The following WDR90 variants were observed in gnomAD, a reference collection of about 807,000 sequenced individuals.
WDR90 encodes the protein WD repeat-containing protein 90.
In WDR90, 238 loss-of-function variants were observed where a neutral mutation model predicts 195.2. The ratio of observed to expected loss-of-function variants is 1.22; its 90% CI spans 1.10 to 1.36. The LOEUF (loss-of-function observed/expected upper bound fraction) is 1.36, where lower values mean the gene tolerates loss of function less well. Ranked by LOEUF, WDR90 falls within the 40% of genes most tolerant of loss-of-function variation. The pLI, the probability that WDR90 is intolerant of heterozygous loss-of-function variation, is 0.00. For synonymous variants in WDR90, 1,265 were observed against 1,052.4 expected, an observed-to-expected ratio of 1.20 and a Z score of -3.91; for missense variants, 2,734 against 2,439.5, an observed-to-expected ratio of 1.12 and a Z score of -2.54.
At position 655,340 on chromosome 16, in the gene WDR90, C is replaced by G; in HGVS notation, c.1590C>G (p.Leu530=). Residue 530 remains leucine, a synonymous_variant, in exon 15 of 41, where the codon CTC becomes CTG. Coordinates refer to ENST00000293879, the MANE Select transcript of WDR90 (RefSeq NM_145294.5). The stretch of plus-strand genomic sequence containing the variant: ...CGTGCGGGCAGGGCAGTGTGCGGCT[C>G]TGGCGGCTGCGTGGCGGGGTGCTGC... ...MASCGQGSVR[L]WRLRGGVLRS... 6.2e-7 allele frequency: 1 copy of G among 1,603,570 alleles called. No individual in the cohort carries two copies. Among genetic ancestry groups the G allele is most frequent in the Non-Finnish European group, 8.5e-7 (1 of 1,179,418 alleles).
At chr16:660,816 G>A in intron 28 of WDR90, 102 bp downstream of exon 28, 1 of 1,304,392 alleles carries the variant, frequency 7.7e-7, no homozygotes, top group Non-Finnish European at 1.0e-6. Flanking sequence ...ATGAGCGCCA[G>A]CCATCAGTGT....
intron 22 of WDR90, 35 bp from the exon 23 acceptor site, chr16:658,490 G>A (rs138017334): frequency 5.1e-5 from 82 of 1,593,144 alleles, no homozygotes; most frequent in Non-Finnish European, 6.7e-5. Flanking sequence ...CCACTCTCCT[G>A]AGACACGGCA....
rs368272535 is a variant in WDR90 at position 650,532 on chromosome 16, C to T, written c.389-7C>T. The T allele has an allele frequency of 6.3e-7, 1 of 1,596,610 alleles. No individual in the cohort carries two copies. Among genetic ancestry groups the T allele is most frequent in the Non-Finnish European group, 8.6e-7 (1 of 1,167,344 alleles). On this transcript the variant is annotated splice_polypyrimidine_tract_variant and splice_region_variant and intron_variant, in intron 4 of 40. Coordinates refer to ENST00000293879, the MANE Select transcript of WDR90 (RefSeq NM_145294.5). ...GTGGGCGCTGACCCTGAGTGCCCATCCTGCAGATCTGGTGGGTTTGGCCCC... is the reference window on the plus strand; with the variant it reads ...GTGGGCGCTGACCCTGAGTGCCCATTCTGCAGATCTGGTGGGTTTGGCCCC...
chr16:655,336 G>T lies in WDR90; in HGVS notation c.1586G>T (p.Arg529Leu). Reference sequence around the variant, plus strand: ...GCGTCGTGCGGGCAGGGCAGTGTGCGGCTCTGGCGGCTGCGTGGCGGGGTG... The same window carrying T: ...GCGTCGTGCGGGCAGGGCAGTGTGCTGCTCTGGCGGCTGCGTGGCGGGGTG... ...RMASCGQGSVRLWRLRGGVLR... is the reference protein window; with the variant it reads ...RMASCGQGSVLLWRLRGGVLR... The change falls in exon 15 of 41, where the codon CGG (arginine) becomes CTG (leucine). Residue 529 changes from arginine to leucine, a missense_variant. By Grantham distance (102) the Arg-to-Leu change is moderately radical (BLOSUM62 -2). Coordinates refer to ENST00000293879, the MANE Select transcript of WDR90 (RefSeq NM_145294.5). 1 of 1,603,590 alleles carries T rather than the reference G, an allele frequency of 6.2e-7. No individual in the cohort carries two copies.
chr16:661,244 G>A, intron 29 of WDR90, 72 bp downstream of exon 29: 1 of 1,522,806 alleles, frequency 6.6e-7, no homozygotes, highest in South Asian at 1.2e-5. Flanking sequence ...CCGGACCGGT[G>A]CGGGTTCTCA....
At position 658,671 on chromosome 16, in the gene WDR90, C is replaced by T; in HGVS notation, c.2895+18C>T. ...GCCCCCAGGTGTGTGCGTGGGGAGG[C>T]AGGTGGCTTTGGCGGTCAGGAGCCT... On this transcript the variant is annotated intron_variant, in intron 23 of 40. Transcript: ENST00000293879. 1 of 1,599,182 alleles carries T rather than the reference C, an allele frequency of 6.3e-7. No homozygotes were observed. The highest frequency in any genetic ancestry group is 1.3e-5 in the African/African-American group (1 of 74,752).
Position 662,758 on chromosome 16 carries a change from G to A in WDR90, c.4225G>A (p.Val1409Ile), listed in dbSNP as rs1057834. The A allele has an allele frequency of 1.1e-5, 17 of 1,606,936 alleles. No homozygotes were observed. The highest frequency in any genetic ancestry group is 4.5e-5 in the East Asian group (2 of 44,710). The part of the protein sequence containing the change: ...ASFDDSVDMG[V>I]VGTTAGTLWF... ...CTTCGATGACAGCGTGGACATGGGC[G>A]TCGTGGGCACCACGGCGGGCACGCT... The change falls in exon 34 of 41, where the codon GTC becomes ATC. Residue 1409 changes from valine (V) to isoleucine (I), a missense_variant. Val to Ile is a conservative substitution (Grantham distance 29). Coordinates refer to ENST00000293879, the MANE Select transcript of WDR90 (RefSeq NM_145294.5).
At position 657,264 on chromosome 16, in the gene WDR90, G is replaced by T. The variant is rs1364799112; in HGVS notation, c.2473+43G>T. ...CACTCTGGGGGACTCCTCAGGGCGG[G>T]GGAGGCCTGGATCTGGTGCAGGCCC... On this transcript the variant is annotated intron_variant, in intron 20 of 40. Transcript: ENST00000293879. 4.7e-6 allele frequency: 7 copies of T among 1,497,256 alleles called. No homozygotes were observed. The South Asian group carries it at 9.0e-5, about 19-fold the overall frequency. The allele number at this position is 1,497,256 out of a possible 1,614,324, so 92.7% of individuals were successfully genotyped here.
At chr16:664,619 C>A (rs540292275) in intron 34 of WDR90, among the ~76,000 whole-genome samples, 1 of 152,052 alleles carries the variant, frequency 6.6e-6, no homozygotes, top group Non-Finnish European at 1.5e-5. Context: ...AGGGCCCTCC[C>A]GGGGAGATGG....
intron 2 of WDR90, 23 bp downstream of exon 2, chr16:649,877 G>A (rs2037604707): frequency 1.9e-6 from 3 of 1,575,648 alleles, no homozygotes; most frequent in South Asian, 1.1e-5. Flanking sequence ...GGGCTCGCCC[G>A]GAGCCCACAC....
rs372872572 is a variant in WDR90, at chr16:651,645, C to T, written c.738C>T (p.Val246=). Residue 246 remains valine (V), a splice_region_variant and synonymous_variant, in exon 8 of 41, where the codon GTC becomes GTT. Coordinates refer to ENST00000293879, the MANE Select transcript of WDR90 (RefSeq NM_145294.5). ...CTGGGGTTCTTTGCTCTGTTCTAGT[C>T]CTCCTGGGGCCGGGGCCACAGCCTC... The part of the protein sequence containing the change: ...IEKSCSPPEA[V]LLGPGPQPLP... 1.2e-5 allele frequency: 19 copies of T among 1,612,362 alleles called. No individual in the cohort carries two copies. The highest frequency in any genetic ancestry group is 1.7e-4 in the Middle Eastern group (1 of 6,060).
chr16:659,067 C>A lies in WDR90; in HGVS notation c.3012-19C>A. 1 of 1,613,238 alleles carries A rather than the reference C, an allele frequency of 6.2e-7. No individual in the cohort carries two copies. Among genetic ancestry groups the A allele is most frequent in the Non-Finnish European group, 8.5e-7 (1 of 1,179,946 alleles). On this transcript the variant is annotated intron_variant, in intron 24 of 40. Transcript: ENST00000293879. ...AGGCCCCCCAGGCCCTCCTGAAACC[C>A]TCTCTCCTCCCTCTCCAGCGACCAA... is the stretch of plus-strand genomic sequence containing the variant.
rs1205119761 is a variant in WDR90 at position 657,196 on chromosome 16, C to T, written c.2448C>T (p.Pro816=). Residue 816 remains proline (P), a synonymous_variant, in exon 20 of 41, where the codon CCC becomes CCT. Transcript: ENST00000293879. ...GSLAQYSCAD[P]QWHVLRVAAD... ...TGGCCCAGTACAGCTGTGCGGACCC[C>T]CAGTGGCATGTCCTCCGAGTGGCAG... is the stretch of plus-strand genomic sequence containing the variant. The T allele has an allele frequency of 1.3e-6, 2 of 1,554,186 alleles. No individual in the cohort carries two copies. Among genetic ancestry groups the T allele is most frequent in the South Asian group, 1.2e-5 (1 of 84,324 alleles).
At position 651,885 on chromosome 16, in the gene WDR90, G is replaced by T; in HGVS notation, c.899G>T (p.Arg300Leu). 1.9e-6 allele frequency: 3 copies of T among 1,610,758 alleles called. No individual in the cohort carries two copies. Residue 300 changes from arginine to leucine, a missense_variant, in exon 9 of 41, where the codon CGC becomes CTC. By Grantham distance (102) the Arg-to-Leu change is moderately radical. Transcript: ENST00000293879. ...CCGGAGGTCAGCCTGTCCCAAGAGC[G>T]CTCAGACGCCTCCAACGCGGATGGC... ...PFPEVSLSQE[R>L]SDASNADGPG...
chr16:650,799 AGTGCTC>A, intron 5 of WDR90, 90 bp downstream of exon 5: 1 of 1,537,962 alleles, frequency 6.5e-7, no homozygotes, highest in South Asian at 1.2e-5. Context: ...GGGAAAATAC[AGTGCTC>A]GAGCTGTGCT....
At chr16:660,995 T>TAAGG (rs2037891357) in intron 28 of WDR90, 56 bp from the exon 29 acceptor site, 1 of 9,936 alleles carries the variant, frequency 1.0e-4, no homozygotes, top group Non-Finnish European at 1.5e-4. Flanking sequence ...CCCAGGCCCC[T>TAAGG]CCCCGCCCCC....
intron 34 of WDR90, chr16:663,425 C>T: frequency 6.1e-6 from 1 of 163,154 alleles, no homozygotes; most frequent in Non-Finnish European, 1.1e-5. Context: ...GCGACAGAGA[C>T]TCCATCTCAA....
At chr16:663,991 C>G (rs2037969567) in intron 34 of WDR90, among the ~76,000 whole-genome samples, 1 of 152,170 alleles carries the variant, frequency 6.6e-6, no homozygotes, top group Admixed American at 6.5e-5. Flanking sequence ...CCAGTTGCCC[C>G]TGGGTTGTTT....
intron 1 of WDR90, 161 bp downstream of exon 1, chr16:649,587 A>G: frequency 8.6e-7 from 1 of 1,163,498 alleles, no homozygotes; most frequent in Non-Finnish European, 1.1e-6. Flanking sequence ...GGGCTCCCGG[A>G]GCTTGGCTTC....
Sources: gnomAD v4.1 joint callset for allele counts (sites outside exome capture counted in the v4.1 genomes callset) on GRCh38, gnomAD v4.1.1 for gene constraint, MANE v1.5 for transcripts, NCBI Gene and HGNC (gene_info 2026-07-23, HGNC 2026-07-21) for gene names.